Variants in GLTP observed in about 807,000 individuals in gnomAD.
GLTP encodes glycolipid transfer protein.
A neutral mutation model predicts 24.0 loss-of-function variants in GLTP; 22 were observed. The observed-to-expected ratio is 0.92, with a 90% CI of 0.65 to 1.31. The LOEUF is 1.31. Ranked by LOEUF, GLTP falls within the 50% of genes most tolerant of loss-of-function variation. The probability of loss-of-function intolerance (pLI) is 0.00; values close to 1 mark genes in which losing one functional copy is unlikely to be tolerated. For missense variants in GLTP, 224 were observed against 276.6 expected, an observed-to-expected ratio of 0.81 and a Z score of 1.35; for synonymous variants, 92 against 115.9, an observed-to-expected ratio of 0.79 and a Z score of 1.33.
chr12:109,852,794 G>A, intron 4 of GLTP, 57 bp from the exon 5 acceptor site: 2 of 1,129,524 alleles, frequency 1.8e-6, no homozygotes, highest in South Asian at 1.3e-5. Context: ...GAGGAGCCAG[G>A]CCAGCAGGCC....
chr12:109,858,770 GA>G, intron 1 of GLTP, 29 bp from the exon 2 acceptor site: 1 of 1,510,810 alleles, frequency 6.6e-7, no homozygotes, highest in Non-Finnish European at 9.2e-7. Context: ...GACAGATTGA[GA>G]TTCGCAGCAA....
chr12:109,880,182 AGGGCAGAGAT>A lies in GLTP; in HGVS notation c.103+80_103+89del, dbSNP rs1410838538. ...GGGGAAACAGTACTTAGGGGTGTCT[AGGGCAGAGAT>A]GGTTAGGGGATGCTCGGGGGAAGGA... On this transcript the variant is annotated intron_variant, in intron 1 of 4. Transcript: ENST00000318348. This position sits in a 1 kb window ranked among gnomAD's most constrained non-coding sequence, Gnocchi z 5.1. The A allele has an allele frequency of 2.8e-5, 21 of 739,800 alleles. No homozygotes were observed. The East Asian group carries it at 3.6e-4, about 13-fold the overall frequency. 45.8% of individuals were successfully genotyped at this position (739,800 alleles called of 1,614,324 possible). A position where few individuals can be genotyped will look rare whatever the true frequency, so the allele number is the denominator to read the frequency against.
At chr12:109,859,922 T>C (rs1466069751) in intron 1 of GLTP, 1 of 152,244 alleles carries the variant, frequency 6.6e-6, no homozygotes, top group African/African-American at 2.4e-5. Flanking sequence ...CAAAAGTAAT[T>C]GCAGTTTTTG....
intron 1 of GLTP, among the ~76,000 whole-genome samples, chr12:109,876,020 G>A (rs1489935554): frequency 6.6e-6 from 1 of 152,190 alleles, no homozygotes; most frequent in Admixed American, 6.5e-5. Context: ...AACAGTAGGG[G>A]CTTGGTTTAA....
intron 1 of GLTP, among the ~76,000 whole-genome samples, chr12:109,876,192 A>C (rs1200363227): frequency 6.6e-6 from 1 of 152,056 alleles, no homozygotes; most frequent in Non-Finnish European, 1.5e-5. Context: ...AAAATACAGA[A>C]ATTAGCTGGG....
Position 109,855,736 on chromosome 12 carries a change from G to A in GLTP, c.330C>T (p.Ser110=). 6.2e-7 allele frequency: 1 copy of A among 1,608,058 alleles called. No homozygotes were observed. The highest frequency in any genetic ancestry group is 8.5e-7 in the Non-Finnish European group (1 of 1,177,310). Residue 110 remains serine, a synonymous_variant, in exon 4 of 5, where the codon AGC becomes AGT. Transcript: ENST00000318348. The surrounding 1 kb of genome is among the most constrained non-coding windows in gnomAD (Gnocchi z 4.1). ...TCTCGTCCCGCTCCCCGTCGCAGAT[G>A]CTCTGGAGGAAGACCTGGATGAAGC... The part of the protein sequence containing the change: ...GLRFIQVFLQ[S]ICDGERDENH...
intron 1 of GLTP, among the ~76,000 whole-genome samples, chr12:109,870,597 AAAC>A (rs1868690030): frequency 6.6e-6 from 1 of 152,208 alleles, no homozygotes; most frequent in Non-Finnish European, 1.5e-5. Context: ...GAAATCCAGA[AAAC>A]AATTATTCCA....
chr12:109,861,535 G>A (rs1390023632), intron 1 of GLTP, among the ~76,000 whole-genome samples: 1 of 152,146 alleles, frequency 6.6e-6, no homozygotes. Context: ...GGATCACAAG[G>A]TCAGGAGTTT....
intron 1 of GLTP, among the ~76,000 whole-genome samples, chr12:109,872,098 G>A (rs1173050059): frequency 6.6e-6 from 1 of 152,242 alleles, no homozygotes; most frequent in Non-Finnish European, 1.5e-5. Context: ...CCGGGTGGGC[G>A]GGTGCCACTG....
rs1267591640 is a variant in GLTP, at chr12:109,851,365, A to G, written c.*1190T>C. ...GTTTCAGCTGTAAAACAACAACAAC[A>G]ACAACAAAAAACAACCAGAAAAAAG... On this transcript the variant is annotated 3_prime_UTR_variant, in exon 5 of 5. Coordinates refer to ENST00000318348, the MANE Select transcript of GLTP (RefSeq NM_016433.4). 5 of 152,202 alleles carry G rather than the reference A, an allele frequency of 3.3e-5. No individual in the cohort carries two copies. Among genetic ancestry groups the G allele is most frequent in the African/African-American group, 1.2e-4 (5 of 41,436 alleles). 9.4% of individuals were successfully genotyped at this position (152,202 alleles called of 1,614,324 possible).
chr12:109,858,678 C>T lies in GLTP; in HGVS notation c.162+5G>A, dbSNP rs374151725. 6.8e-6 allele frequency: 11 copies of T among 1,610,554 alleles called. No homozygotes were observed. The African/African-American group carries it at 1.3e-4, about 20-fold the overall frequency. On this transcript the variant is annotated splice_donor_5th_base_variant and intron_variant, in intron 2 of 4. Transcript: ENST00000318348. ...TGGGCTGTGGCTGCCCGGCCAGGTA[C>T]ATACCGTGATGTTGCCGCTTATGTC...
At chr12:109,872,956 C>T (rs545093770) in intron 1 of GLTP, among the ~76,000 whole-genome samples, 1 of 152,334 alleles carries the variant, frequency 6.6e-6, no homozygotes, top group South Asian at 2.1e-4. Flanking sequence ...TGGCCCAGGA[C>T]CGCTTTGAAT....
At chr12:109,853,687 CAA>C (rs1194984784) in intron 4 of GLTP, among the ~76,000 whole-genome samples, 11 of 79,460 alleles carry the variant, frequency 1.4e-4, no homozygotes, top group Admixed American at 3.9e-4. Context: ...GACTCCGTTT[CAA>C]AAAAAAAAAA....
intron 1 of GLTP, among the ~76,000 whole-genome samples, chr12:109,860,852 C>T (rs141856235): frequency 2.6e-5 from 4 of 152,206 alleles, no homozygotes; most frequent in Non-Finnish European, 4.4e-5. Flanking sequence ...CAGGCTGTCA[C>T]AGGACATCTT....
chr12:109,876,338 C>T (rs1158005723), intron 1 of GLTP, among the ~76,000 whole-genome samples: 1 of 151,832 alleles, frequency 6.6e-6, no homozygotes, highest in Non-Finnish European at 1.5e-5. Flanking sequence ...ACAAGATCCC[C>T]ATCTCTACAA....
At chr12:109,869,613 AC>A (rs1868656103) in intron 1 of GLTP, among the ~76,000 whole-genome samples, 1 of 146,394 alleles carries the variant, frequency 6.8e-6, no homozygotes, top group Non-Finnish European at 1.5e-5. Flanking sequence ...GCACCACCAC[AC>A]CCAGCTAATT....
chr12:109,877,397 C>G (rs899251778), intron 1 of GLTP, among the ~76,000 whole-genome samples: 1 of 152,164 alleles, frequency 6.6e-6, no homozygotes, highest in Non-Finnish European at 1.5e-5. Context: ...GAATTAAATA[C>G]TTTTTAAAAA....
chr12:109,858,797 GC>G, intron 1 of GLTP, 56 bp from the exon 2 acceptor site: 1 of 1,119,944 alleles, frequency 8.9e-7, no homozygotes, highest in Non-Finnish European at 1.4e-6. Flanking sequence ...ATTTTTCAGG[GC>G]CACCGCAGGC....
chr12:109,880,398 T>C lies in GLTP; in HGVS notation c.-24A>G. The C allele has an allele frequency of 9.2e-7, 1 of 1,083,456 alleles. No individual in the cohort carries two copies. Among genetic ancestry groups the C allele is most frequent in the Non-Finnish European group, 1.2e-6 (1 of 806,596 alleles). The allele number at this position is 1,083,456 out of a possible 1,614,324, so 67.1% of individuals were successfully genotyped here. On this transcript the variant is annotated 5_prime_UTR_variant, in exon 1 of 5. Coordinates refer to ENST00000318348, the MANE Select transcript of GLTP (RefSeq NM_016433.4). This position sits in a 1 kb window ranked among gnomAD's most constrained non-coding sequence, Gnocchi z 5.1. ...ATTTCGGGGTCGAGGCCCGCGGTGA[T>C]GCCCCAGCCGGCGCCGCGGGCGTCG...
Sources: allele counts gnomAD v4.1 joint callset (sites outside exome capture counted in the v4.1 genomes callset), GRCh38; gene constraint gnomAD v4.1.1; non-coding constraint Gnocchi (gnomAD v3.1); transcripts MANE v1.5; gene names NCBI Gene and HGNC (gene_info 2026-07-23, HGNC 2026-07-21).